PPHLN1: variants seen among roughly 807,000 people sequenced by gnomAD.
PPHLN1 encodes the protein periphilin 1, also known as periphilin-1.
Under a neutral mutation model 51.3 loss-of-function variants are expected in PPHLN1, and 29 were observed. The ratio of observed to expected loss-of-function variants is 0.57; its 90% CI spans 0.42 to 0.77. The LOEUF (loss-of-function observed/expected upper bound fraction) is 0.77. PPHLN1 is among the 30% of genes least tolerant of loss of function. PPHLN1 has a pLI of 0.00. For missense variants in PPHLN1, 436 were observed against 438.4 expected, an observed-to-expected ratio of 0.99 and a Z score of 0.05; for synonymous variants, 147 against 147.8, an observed-to-expected ratio of 0.99 and a Z score of 0.04.
chr12:42,387,654 AC>A (rs1235947135), intron 7 of PPHLN1, 119 bp downstream of exon 7: 1 of 1,353,756 alleles, frequency 7.4e-7, no homozygotes, highest in Non-Finnish European at 9.7e-7. Flanking sequence ...GCATTTAAAA[AC>A]TTAAATTTTT....
intron 5 of PPHLN1, among the ~76,000 whole-genome samples, chr12:42,377,459 C>A (rs1267899152): frequency 1.3e-5 from 2 of 151,936 alleles, no homozygotes; most frequent in Non-Finnish European, 2.9e-5. Context: ...GTGTGCACCA[C>A]CACGCCCAGG....
At chr12:42,389,569 A>T (rs1201165868) in intron 7 of PPHLN1, among the ~76,000 whole-genome samples, 1 of 152,188 alleles carries the variant, frequency 6.6e-6, no homozygotes, top group Admixed American at 6.5e-5. Flanking sequence ...CAAAAAAACA[A>T]AAAACAAAAC....
intron 9 of PPHLN1, among the ~76,000 whole-genome samples, chr12:42,404,804 C>T (rs750452161): frequency 1.3e-5 from 2 of 152,208 alleles, no homozygotes; most frequent in South Asian, 2.1e-4. Context: ...CTGAAGCAGG[C>T]GGATCACAAG....
chr12:42,448,160 C>G (rs889118988), downstream of PPHLN1: 2 of 152,516 alleles, frequency 1.3e-5, no homozygotes, highest in Non-Finnish European at 2.9e-5. Flanking sequence ...ACTTGAGAAA[C>G]TACCAAAGGC....
At chr12:42,394,678 A>G (rs545082812) in intron 8 of PPHLN1, among the ~76,000 whole-genome samples, 1 of 152,196 alleles carries the variant, frequency 6.6e-6, no homozygotes, top group Non-Finnish European at 1.5e-5. Flanking sequence ...TTTCCTCCTT[A>G]TTGTAGCTAT....
At chr12:42,426,044 A>G (rs1361440160) in intron 9 of PPHLN1, among the ~76,000 whole-genome samples, 1 of 152,214 alleles carries the variant, frequency 6.6e-6, no homozygotes, top group Non-Finnish European at 1.5e-5. Context: ...CATGGGGCAG[A>G]TGGCTGATCT....
chr12:42,400,798 T>TCACACACACA lies in PPHLN1; in HGVS notation c.909+1830_909+1839dup, dbSNP rs67724902. Among the ~76,000 whole-genome samples, 726 of 142,614 alleles carry TCACACACACA rather than the reference T, an allele frequency of 5.1e-3. 3 individuals are homozygous for TCACACACACA. The highest frequency in any genetic ancestry group is 0.018 in the African/African-American group (701 of 38,114). 93.6% of individuals were successfully genotyped at this position (142,614 alleles called of 152,430 possible). A position where few individuals can be genotyped will look rare whatever the true frequency, so the allele number is the denominator to read the frequency against. ...CTTTCTCTCTCTCTCTCTCTCTCTT[T>TCACACACACA]CACACACACACACACACACACACAC... is the stretch of plus-strand genomic sequence containing the variant. On this transcript the variant is annotated intron_variant, in intron 9 of 9. Coordinates refer to ENST00000358314, the MANE Select transcript of PPHLN1 (RefSeq NM_201439.2).
chr12:42,365,774 C>T (rs2075209960), intron 4 of PPHLN1, among the ~76,000 whole-genome samples: 1 of 152,184 alleles, frequency 6.6e-6, no homozygotes, highest in Admixed American at 6.5e-5. Flanking sequence ...TCCTAACTCT[C>T]AGGCTGTGTA....
downstream of PPHLN1, chr12:42,445,799 A>C (rs771299500): frequency 4.8e-5 from 34 of 703,316 alleles, no homozygotes; most frequent in Non-Finnish European, 7.4e-5. Context: ...ACTTACCCTT[A>C]ATTTCTGAAA....
At chr12:42,441,131 A>G (rs578003127) in intron 9 of PPHLN1, among the ~76,000 whole-genome samples, 184 bp from the exon 10 acceptor site, 6 of 152,308 alleles carry the variant, frequency 3.9e-5, no homozygotes, top group African/African-American at 1.4e-4. Flanking sequence ...TTGTCAGCAG[A>G]TCTCATGGAT....
chr12:42,446,746 C>T (rs77152451), downstream of PPHLN1: 19 of 1,238,352 alleles, frequency 1.5e-5, no homozygotes, highest in East Asian at 7.7e-5. Flanking sequence ...TAAGGAAAGA[C>T]GCAATTGGAA....
At position 42,341,418 on chromosome 12, in the gene PPHLN1, A is replaced by G. The variant is rs181953513; in HGVS notation, c.72+5444A>G. Among the ~76,000 whole-genome samples the G allele has an allele frequency of 5.6e-3, 857 of 152,300 alleles. 5 individuals are homozygous for G. The highest frequency in any genetic ancestry group is 0.041 in the Middle Eastern group (12 of 294). On this transcript the variant is annotated intron_variant, in intron 2 of 9. Transcript: ENST00000358314. The stretch of plus-strand genomic sequence containing the variant: ...GTTGGGAAGGTAAGGTACCTTCTGT[A>G]GTAGTATGACCTCGTTAATAAAAGC...
intron 7 of PPHLN1, among the ~76,000 whole-genome samples, chr12:42,389,580 C>A (rs557295912): frequency 6.6e-6 from 1 of 152,054 alleles, no homozygotes; most frequent in Non-Finnish European, 1.5e-5. Context: ...AAAACAAAAC[C>A]GCTTACATTT....
intron 1 of PPHLN1, among the ~76,000 whole-genome samples, chr12:42,330,581 C>A (rs553893781): frequency 6.6e-6 from 1 of 152,230 alleles, no homozygotes; most frequent in Non-Finnish European, 1.5e-5. Flanking sequence ...ACATCCTGCA[C>A]AGCCCTAGAT....
At chr12:42,383,720 C>A (rs918771869) in intron 5 of PPHLN1, among the ~76,000 whole-genome samples, 3 of 152,056 alleles carry the variant, frequency 2.0e-5, no homozygotes, top group Admixed American at 2.0e-4. Flanking sequence ...GTGGCTCACG[C>A]CTGTAATCCC....
chr12:42,425,025 T>TTTTTA (rs1306324081), intron 9 of PPHLN1, among the ~76,000 whole-genome samples: 8 of 150,246 alleles, frequency 5.3e-5, no homozygotes, highest in Admixed American at 1.3e-4. Flanking sequence ...CAGGTTTTTA[T>TTTTTA]TTTTATTTTA....
chr12:42,340,443 GACA>G (rs2071309321), intron 2 of PPHLN1, among the ~76,000 whole-genome samples: 1 of 152,082 alleles, frequency 6.6e-6, no homozygotes, highest in South Asian at 2.1e-4. Flanking sequence ...GCTTCAAACT[GACA>G]ACAAACCAGA....
At chr12:42,440,049 T>C (rs1207923537) in intron 9 of PPHLN1, among the ~76,000 whole-genome samples, 1 of 150,996 alleles carries the variant, frequency 6.6e-6, no homozygotes, top group Non-Finnish European at 1.5e-5. Context: ...CTGTCAATTC[T>C]TGGGCTATCT....
chr12:42,439,077 G>A (rs1378850837), intron 9 of PPHLN1, among the ~76,000 whole-genome samples: 1 of 152,028 alleles, frequency 6.6e-6, no homozygotes, highest in African/African-American at 2.4e-5. Flanking sequence ...GGTTTTTCTT[G>A]GATTGTCTTT....
Sources: allele counts gnomAD v4.1 joint callset (sites outside exome capture counted in the v4.1 genomes callset), GRCh38; gene constraint gnomAD v4.1.1; transcripts MANE v1.5; gene names NCBI Gene and HGNC (gene_info 2026-07-23, HGNC 2026-07-21).